NXPE2: variants seen among roughly 807,000 people sequenced by gnomAD.
NXPE2 encodes NXPE family member 2.
A neutral mutation model predicts 34.4 loss-of-function variants in NXPE2; 34 were observed. The observed-to-expected ratio is 0.99, with a 90% confidence interval of 0.75 to 1.31. The LOEUF is 1.31. Among genes scored for constraint, NXPE2 ranks in the 40% most tolerant of loss-of-function variants. The pLI is 0.00. For synonymous variants in NXPE2, 235 were observed against 231.3 expected (o/e 1.02, Z -0.15); for missense variants, 649 against 672.5 (o/e 0.97, Z 0.39).
At chr11:114,523,194 A>G in the NXPE2 span, 200 of 783,222 alleles carry the variant, frequency 2.6e-4, 7 homozygotes, top group Middle Eastern at 3.2e-3. Context: ...CCTTCCTGTA[A>G]TGCCTATTTC....
At chr11:114,669,334 T>C in the NXPE2 span, among the ~76,000 whole-genome samples, 1 of 152,082 alleles carries the variant, frequency 6.6e-6, no homozygotes, top group Non-Finnish European at 1.5e-5. Context: ...CATCTTCTCT[T>C]TCCAAGCCCA....
At chr11:114,632,028 CT>C in the NXPE2 span, among the ~76,000 whole-genome samples, 1 of 145,320 alleles carries the variant, frequency 6.9e-6, no homozygotes, top group Admixed American at 7.1e-5. Context: ...AATAATTATA[CT>C]TTATATATAA....
chr11:114,583,646 G>T, the NXPE2 span: 1 of 589,138 alleles, frequency 1.7e-6, no homozygotes. Flanking sequence ...GATGGACACT[G>T]CTGTGAATTG....
the NXPE2 span, among the ~76,000 whole-genome samples, chr11:114,630,959 C>G: frequency 7.9e-5 from 12 of 150,964 alleles, no homozygotes; most frequent in African/African-American, 2.9e-4. Flanking sequence ...AAATGCAAAT[C>G]AAAACCACAA....
At chr11:114,642,427 C>T in the NXPE2 span, among the ~76,000 whole-genome samples, 1 of 152,000 alleles carries the variant, frequency 6.6e-6, no homozygotes, top group East Asian at 1.9e-4. Flanking sequence ...TCCCCACTCC[C>T]CCCAGCCCCC....
chr11:114,535,434 C>G, the NXPE2 span, among the ~76,000 whole-genome samples: 3 of 152,126 alleles, frequency 2.0e-5, no homozygotes, highest in Non-Finnish European at 4.4e-5. Flanking sequence ...CATAACAATA[C>G]TAACCATAAA....
chr11:114,469,340 CTT>C, the NXPE2 span, among the ~76,000 whole-genome samples: 3 of 151,614 alleles, frequency 2.0e-5, no homozygotes, highest in Non-Finnish European at 4.4e-5. Context: ...GTCTCGATCT[CTT>C]GACCTTGCGA....
the NXPE2 span, among the ~76,000 whole-genome samples, chr11:114,600,551 G>A: frequency 5.9e-5 from 9 of 152,030 alleles, no homozygotes; most frequent in South Asian, 4.2e-4. Flanking sequence ...ATTGAGTGAC[G>A]TTCTACAAAA....
the NXPE2 span, among the ~76,000 whole-genome samples, chr11:114,664,001 T>C: frequency 6.6e-6 from 1 of 152,112 alleles, no homozygotes; most frequent in Non-Finnish European, 1.5e-5. Context: ...CTTATAATGT[T>C]AAAACAGACT....
chr11:114,572,920 C>T, the NXPE2 span, among the ~76,000 whole-genome samples: 1 of 152,086 alleles, frequency 6.6e-6, no homozygotes, highest in East Asian at 1.9e-4. Context: ...ATCAGATTAT[C>T]TAAAGTCAAG....
the NXPE2 span, among the ~76,000 whole-genome samples, chr11:114,635,985 G>A: frequency 6.6e-6 from 1 of 152,058 alleles, no homozygotes; most frequent in South Asian, 2.1e-4. Context: ...CTCATAAAAT[G>A]AGTTAGGGAG....
At chr11:114,721,586 G>C in the NXPE2 span, among the ~76,000 whole-genome samples, 1 of 152,192 alleles carries the variant, frequency 6.6e-6, no homozygotes, top group Non-Finnish European at 1.5e-5. Flanking sequence ...AGGTCAGAGA[G>C]AATGGAAAAT....
At chr11:114,478,325 G>T in the NXPE2 span, among the ~76,000 whole-genome samples, 5 of 152,128 alleles carry the variant, frequency 3.3e-5, no homozygotes, top group Non-Finnish European at 7.4e-5. Context: ...CAAAGAGATG[G>T]CTTCCAGGTC....
chr11:114,801,512 G>A, the NXPE2 span, among the ~76,000 whole-genome samples: 1 of 152,222 alleles, frequency 6.6e-6, no homozygotes, highest in African/African-American at 2.4e-5. Flanking sequence ...AAAAGCAATT[G>A]TAGAAAGTTA....
chr11:114,469,039 A>G, the NXPE2 span, among the ~76,000 whole-genome samples: 1 of 152,086 alleles, frequency 6.6e-6, no homozygotes, highest in Admixed American at 6.5e-5. Context: ...TGGATACTAA[A>G]TAGTATAACC....
chr11:114,741,631 A>G, the NXPE2 span, among the ~76,000 whole-genome samples: 1 of 151,890 alleles, frequency 6.6e-6, no homozygotes, highest in South Asian at 2.1e-4. Context: ...TTCATTCATT[A>G]TATTCTTCAG....
At chr11:114,505,494 C>T in the NXPE2 span, among the ~76,000 whole-genome samples, 1 of 152,116 alleles carries the variant, frequency 6.6e-6, no homozygotes, top group Non-Finnish European at 1.5e-5. Flanking sequence ...AGGTCATATA[C>T]AAAGGGAAGC....
the NXPE2 span, among the ~76,000 whole-genome samples, chr11:114,813,522 T>A: frequency 6.6e-6 from 1 of 152,214 alleles, no homozygotes; most frequent in Non-Finnish European, 1.5e-5. Flanking sequence ...GGCTTTCTCA[T>A]CTGTGCATGT....
the NXPE2 span, among the ~76,000 whole-genome samples, chr11:114,476,733 A>G: frequency 6.6e-6 from 1 of 152,146 alleles, no homozygotes; most frequent in Admixed American, 6.6e-5. Context: ...CATGGAGGAA[A>G]CTGCCCCATG....
Sources: gnomAD v4.1 joint callset for allele counts (sites outside exome capture counted in the v4.1 genomes callset) on GRCh38, gnomAD v4.1.1 for gene constraint, MANE v1.5 for transcripts, NCBI Gene and HGNC (gene_info 2026-07-23, HGNC 2026-07-21) for gene names.